The following DCK variants were observed in gnomAD, a reference collection of about 807,000 sequenced individuals.
DCK encodes the protein deoxycytidine kinase.
Under a neutral mutation model 38.3 loss-of-function variants are expected in DCK, and 23 were observed. That is an observed-to-expected ratio of 0.60 (90% CI 0.43 to 0.85). The LOEUF is 0.85. Among genes scored for constraint, DCK ranks in the 40% least tolerant of loss-of-function variants. The probability of loss-of-function intolerance (pLI) is 0.00; values close to 1 mark genes in which losing one functional copy is unlikely to be tolerated. For synonymous variants in DCK, 108 were observed against 100.6 expected, an observed-to-expected ratio of 1.07 and a Z score of -0.44; for missense variants, 259 against 304.4, an observed-to-expected ratio of 0.85 and a Z score of 1.11.
At chr4:71,012,625 C>T (rs1560683945) in intron 2 of DCK, among the ~76,000 whole-genome samples, 1 of 152,244 alleles carries the variant, frequency 6.6e-6, no homozygotes, top group Non-Finnish European at 1.5e-5. Context: ...CGCTGTTCTG[C>T]AGCCTCCGCT....
chr4:71,014,066 T>G (rs1227613410), intron 2 of DCK, among the ~76,000 whole-genome samples: 5 of 152,052 alleles, frequency 3.3e-5, no homozygotes, highest in Non-Finnish European at 5.9e-5. Context: ...TAAAGGGATG[T>G]ATGAAGATCT....
chr4:71,014,034 A>G (rs566410214), intron 2 of DCK, among the ~76,000 whole-genome samples: 6 of 152,348 alleles, frequency 3.9e-5, no homozygotes, highest in Non-Finnish European at 5.9e-5. Flanking sequence ...TCTCATGTGC[A>G]GAGACATACA....
chr4:71,011,515 C>T (rs561275415), intron 2 of DCK, among the ~76,000 whole-genome samples: 1 of 152,232 alleles, frequency 6.6e-6, no homozygotes, highest in East Asian at 1.9e-4. Flanking sequence ...CACCAACATG[C>T]CCGGCTAATT....
intron 2 of DCK, among the ~76,000 whole-genome samples, chr4:70,999,741 G>T (rs1024426464): frequency 6.6e-6 from 1 of 152,190 alleles, no homozygotes; most frequent in African/African-American, 2.4e-5. Context: ...GTATCTCATT[G>T]TGGGTTTGGT....
intron 6 of DCK, among the ~76,000 whole-genome samples, chr4:71,027,148 ATAC>A (rs1468103734): frequency 6.6e-6 from 1 of 152,070 alleles, no homozygotes; most frequent in Non-Finnish European, 1.5e-5. Flanking sequence ...CAATCTTTAG[ATAC>A]TTTAATAATA....
rs762926099 is a variant in DCK at position 71,023,512 on chromosome 4, TG to T, written c.402-46del. On this transcript the variant is annotated intron_variant, in intron 3 of 6. Transcript: ENST00000286648. ...CCTGTTCTCTTTTTTATTTCTTTGT[TG>T]TTTTTTTTTGAAATGATACATGTGT... 3.3e-5 allele frequency: 40 copies of T among 1,216,036 alleles called. No individual in the cohort carries two copies. The East Asian group carries it at 1.0e-3, about 30-fold the overall frequency. The allele number at this position is 1,216,036 out of a possible 1,614,324, so 75.3% of individuals were successfully genotyped here.
chr4:71,023,429 T>G (rs1198522219), intron 3 of DCK, 130 bp from the exon 4 acceptor site: 3 of 616,024 alleles, frequency 4.9e-6, no homozygotes, highest in Non-Finnish European at 8.1e-6. Flanking sequence ...AAGACTCTTG[T>G]CTTTTTCTGC....
At chr4:71,005,461 T>G (rs1200079353) in intron 2 of DCK, among the ~76,000 whole-genome samples, 4 of 152,016 alleles carry the variant, frequency 2.6e-5, no homozygotes, top group African/African-American at 4.8e-5. Flanking sequence ...ATAATAAAAG[T>G]TTTAAAAAAT....
chr4:71,027,946 G>T (rs953693532), intron 6 of DCK, among the ~76,000 whole-genome samples: 3 of 152,060 alleles, frequency 2.0e-5, no homozygotes, highest in Non-Finnish European at 2.9e-5. Context: ...TATTAATAAT[G>T]CTAGCAGTTG....
intron 2 of DCK, among the ~76,000 whole-genome samples, chr4:71,015,117 C>G (rs1196648098): frequency 1.3e-5 from 2 of 152,148 alleles, no homozygotes; most frequent in Non-Finnish European, 2.9e-5. Flanking sequence ...GAAATACAAA[C>G]TACCATCACA....
chr4:71,028,606 T>TTTTC, intron 6 of DCK: 1 of 434,118 alleles, frequency 2.3e-6, no homozygotes, highest in Non-Finnish European at 4.5e-6. Context: ...CAATATTTCT[T>TTTTC]TTTTTTCTCG....
intron 2 of DCK, among the ~76,000 whole-genome samples, chr4:71,000,096 T>G (rs112545044): frequency 6.6e-6 from 1 of 152,160 alleles, no homozygotes; most frequent in Admixed American, 6.6e-5. Flanking sequence ...AAGTCTTTGC[T>G]CATGCCTATG....
At chr4:71,014,028 A>G (rs1465069121) in intron 2 of DCK, among the ~76,000 whole-genome samples, 1 of 152,206 alleles carries the variant, frequency 6.6e-6, no homozygotes, top group Non-Finnish European at 1.5e-5. Context: ...GACCCATCTC[A>G]TGTGCAGAGA....
intron 2 of DCK, among the ~76,000 whole-genome samples, chr4:71,016,444 A>T (rs1246864633): frequency 6.6e-6 from 1 of 152,216 alleles, no homozygotes; most frequent in Non-Finnish European, 1.5e-5. Flanking sequence ...TTTAAAGTTC[A>T]TAAGGAACCA....
In DCK at chr4:71,025,831, A is replaced by C; in HGVS notation, c.565A>C (p.Ile189Leu). ...TTGCTTTTAGACATGCTTACATAGAATATATTTACGGGGAAGAAATGAAGA... is the reference window on the plus strand; with the variant it reads ...TTGCTTTTAGACATGCTTACATAGACTATATTTACGGGGAAGAAATGAAGA... ...QATPETCLHR[I>L]YLRGRNEEQG... The change falls in exon 5 of 7, where the codon ATA (isoleucine) becomes CTA (leucine). Residue 189 changes from isoleucine to leucine, a missense_variant. Physicochemically the swap from Ile to Leu is conservative, Grantham distance 5 (BLOSUM62 2). Around this residue, in one of 3 missense-constraint regions of DCK, gnomAD observed 82 missense variants for 103.8 expected, o/e 0.79. Coordinates refer to ENST00000286648, the MANE Select transcript of DCK (RefSeq NM_000788.3). The C allele has an allele frequency of 6.2e-7, 1 of 1,609,194 alleles. No individual in the cohort carries two copies. The highest frequency in any genetic ancestry group is 1.7e-4 in the Middle Eastern group (1 of 6,032).
intron 4 of DCK, 64 bp from the exon 5 acceptor site, chr4:71,025,752 A>G: frequency 2.3e-5 from 34 of 1,488,796 alleles, no homozygotes; most frequent in Non-Finnish European, 2.9e-5. Flanking sequence ...GAAAATTTTG[A>G]TGGCAGCAGA....
chr4:71,017,250 G>A (rs1286689161), intron 2 of DCK, among the ~76,000 whole-genome samples: 1 of 152,198 alleles, frequency 6.6e-6, no homozygotes, highest in South Asian at 2.1e-4. Flanking sequence ...ACACCAGTTA[G>A]AATGGTGATC....
chr4:70,995,867 T>G (rs1739648929), intron 1 of DCK, among the ~76,000 whole-genome samples: 1 of 152,122 alleles, frequency 6.6e-6, no homozygotes, highest in Non-Finnish European at 1.5e-5. Flanking sequence ...CTGAAAGTAG[T>G]TGTGAACTGA....
At chr4:71,009,334 G>T (rs991907179) in intron 2 of DCK, among the ~76,000 whole-genome samples, 2 of 152,168 alleles carry the variant, frequency 1.3e-5, no homozygotes, top group African/African-American at 4.8e-5. Context: ...GAAAAACATT[G>T]CTTTCGTATA....
Sources: gnomAD v4.1 joint callset for allele counts (sites outside exome capture counted in the v4.1 genomes callset) on GRCh38, gnomAD v4.1.1 for gene constraint, gnomAD v4.1.1 regional missense constraint, MANE v1.5 for transcripts, NCBI Gene and HGNC (gene_info 2026-07-23, HGNC 2026-07-21) for gene names.